Variants in BACH1 observed in about 807,000 individuals in gnomAD.
The protein encoded by BACH1 is transcription regulator protein BACH1.
BACH1 carries 35 observed loss-of-function variants against 52.9 expected under a neutral mutation model. The ratio of observed to expected loss-of-function variants is 0.66; its 90% confidence interval spans 0.51 to 0.88. The LOEUF (loss-of-function observed/expected upper bound fraction) is 0.88. Among genes scored for constraint, BACH1 ranks in the 40% least tolerant of loss-of-function variants. BACH1 has a pLI of 0.00. For missense variants in BACH1, 808 were observed against 872.6 expected (o/e 0.93, Z 0.93); for synonymous variants, 321 against 319.6 (o/e 1.00, Z -0.05).
At chr21:29,337,481 G>T (rs1020001914) in intron 4 of BACH1, among the ~76,000 whole-genome samples, 1 of 152,126 alleles carries the variant, frequency 6.6e-6, no homozygotes, top group Non-Finnish European at 1.5e-5. Context: ...CTTCACTTCT[G>T]TGTTTATGTT....
rs2088731450 is a variant in BACH1 at position 29,312,177 on chromosome 21, C to T, written c.-60-9044C>T. Among the ~76,000 whole-genome samples the T allele has an allele frequency of 2.6e-5, 4 of 152,180 alleles. No homozygotes were observed. In the South Asian group the frequency reaches 6.2e-4, roughly 24 times the overall value. ...GCATTTAGAAAGTGGTGTAGACAAA[C>T]CGTGGAAGAGGCTGAGTTGGGAAAT... On this transcript the variant is annotated intron_variant, in intron 1 of 4. Transcript: ENST00000286800.
intron 2 of BACH1, among the ~76,000 whole-genome samples, chr21:29,325,161 C>T (rs1300594017): frequency 1.3e-5 from 2 of 151,918 alleles, no homozygotes; most frequent in South Asian, 2.1e-4. Context: ...ACCCGAGAGG[C>T]GGAGCTTGCA....
rs114245875 is a variant in BACH1 at position 29,342,373 on chromosome 21, T to C, written c.1777-26T>C. 1.3e-4 allele frequency: 211 copies of C among 1,595,060 alleles called. No homozygotes were observed. The African/African-American group carries it at 2.2e-3, about 17-fold the overall frequency. ...TGATTGAGCTAATAAACACAAGCCA[T>C]TGTGTTCTCTTTCCCCACTTCACAG... On this transcript the variant is annotated intron_variant, in intron 4 of 4. Coordinates refer to ENST00000286800, the MANE Select transcript of BACH1 (RefSeq NM_001186.4).
At chr21:29,339,629 G>GTTT (rs34979217) in intron 4 of BACH1, among the ~76,000 whole-genome samples, 17 of 98,504 alleles carry the variant, frequency 1.7e-4, no homozygotes, top group Non-Finnish European at 1.9e-4. Flanking sequence ...AGATGCAAAG[G>GTTT]TTTTTTTTTT....
chr21:29,329,658 T>A lies in BACH1; in HGVS notation c.1741T>A (p.Cys581Ser). Reference sequence around the variant, plus strand: ...GCGCTGTCGCAAGAGAAAACTTGACTGTATACAGAATCTTGAATCAGAAAT... The same window carrying A: ...GCGCTGTCGCAAGAGAAAACTTGACAGTATACAGAATCTTGAATCAGAAAT... ...AQRCRKRKLD[C>S]IQNLESEIEK... The change falls in exon 4 of 5, where the codon TGT becomes AGT. Residue 581 changes from cysteine to serine, a missense_variant. Physicochemically the swap from Cys to Ser is moderately radical, Grantham distance 112 (BLOSUM62 -1). Coordinates refer to ENST00000286800, the MANE Select transcript of BACH1 (RefSeq NM_001186.4). 1 of 1,573,528 alleles carries A rather than the reference T, an allele frequency of 6.4e-7. No individual in the cohort carries two copies. Among genetic ancestry groups the A allele is most frequent in the African/African-American group, 1.4e-5 (1 of 73,286 alleles).
At chr21:29,357,756 G>C (rs972482261) in intron 2 of BACH1, among the ~76,000 whole-genome samples, 1 of 152,192 alleles carries the variant, frequency 6.6e-6, no homozygotes, top group African/African-American at 2.4e-5. Flanking sequence ...TGCTCTCTCT[G>C]TGATGCATAA....
At position 29,343,763 on chromosome 21, in the gene BACH1, G is replaced by A. The variant is rs1321931114; in HGVS notation, c.*930G>A. ...CCAATGCCAGAAAACCAGACATCAC[G>A]GGGAAAGAATGTTGCTTACTTTTTA... On this transcript the variant is annotated 3_prime_UTR_variant, in exon 5 of 5. Coordinates refer to ENST00000286800, the MANE Select transcript of BACH1 (RefSeq NM_001186.4). The A allele has an allele frequency of 6.6e-6, 1 of 152,128 alleles. No individual in the cohort carries two copies. The highest frequency in any genetic ancestry group is 1.5e-5 in the Non-Finnish European group (1 of 68,024). 9.4% of individuals were successfully genotyped at this position (152,128 alleles called of 1,614,324 possible).
chr21:29,347,821 G>A (rs191480141), downstream of BACH1, among the ~76,000 whole-genome samples: 51 of 152,228 alleles, frequency 3.4e-4, no homozygotes, highest in East Asian at 4.1e-3. Flanking sequence ...CTACCTCATC[G>A]TCCCGTGTAG....
rs112285327 is a variant in BACH1 at position 29,327,486 on chromosome 21, T to C, written c.1569+93T>C. 17 of 1,488,414 alleles carry C rather than the reference T, an allele frequency of 1.1e-5. No individual in the cohort carries two copies. In the African/African-American group the frequency reaches 2.1e-4, roughly 18 times the overall value. 92.2% of individuals were successfully genotyped at this position (1,488,414 alleles called of 1,614,324 possible). A position where few individuals can be genotyped will look rare whatever the true frequency, so the allele number is the denominator to read the frequency against. ...TCCCTTTGCATCATTAGGGATATAATCAGGTTCAGGGAGTGGGGAGGAAAC... is the reference window on the plus strand; with the variant it reads ...TCCCTTTGCATCATTAGGGATATAACCAGGTTCAGGGAGTGGGGAGGAAAC... On this transcript the variant is annotated intron_variant, in intron 3 of 4. Coordinates refer to ENST00000286800, the MANE Select transcript of BACH1 (RefSeq NM_001186.4).
chr21:29,314,599 C>T (rs900957988), intron 1 of BACH1, among the ~76,000 whole-genome samples: 5 of 152,142 alleles, frequency 3.3e-5, no homozygotes, highest in African/African-American at 1.2e-4. Context: ...TCCCTCCCAC[C>T]CCATTTTTAA....
At chr21:29,305,671 G>C (rs891926857) in intron 1 of BACH1, among the ~76,000 whole-genome samples, 2 of 152,182 alleles carry the variant, frequency 1.3e-5, no homozygotes, top group African/African-American at 4.8e-5. Flanking sequence ...GAAAAACTGT[G>C]TTTTTAAGTT....
intron 4 of BACH1, among the ~76,000 whole-genome samples, chr21:29,330,708 A>G (rs1411677574): frequency 6.6e-6 from 1 of 152,184 alleles, no homozygotes; most frequent in Non-Finnish European, 1.5e-5. Context: ...TGAAAGTTTA[A>G]AAGTTGGGAT....
At chr21:29,318,039 T>C (rs1022738726) in intron 1 of BACH1, among the ~76,000 whole-genome samples, 7 of 152,156 alleles carry the variant, frequency 4.6e-5, no homozygotes, top group Non-Finnish European at 7.3e-5. Context: ...GCGTAGGTGA[T>C]GCGCCTATGT....
At chr21:29,305,368 A>G (rs1330016010) in intron 1 of BACH1, 1 of 152,172 alleles carries the variant, frequency 6.6e-6, no homozygotes, top group Admixed American at 6.5e-5. Context: ...TTTGTGGTAA[A>G]AGACTGTCAC....
Position 29,326,388 on chromosome 21 carries a change from G to A in BACH1, c.564G>A (p.Arg188=). The A allele has an allele frequency of 6.2e-7, 1 of 1,614,172 alleles. No individual in the cohort carries two copies. Among genetic ancestry groups the A allele is most frequent in the Middle Eastern group, 1.6e-4 (1 of 6,062 alleles). The change falls in exon 3 of 5, where the codon AGG becomes AGA. Residue 188 remains arginine, a synonymous_variant. Coordinates refer to ENST00000286800, the MANE Select transcript of BACH1 (RefSeq NM_001186.4). The stretch of plus-strand genomic sequence containing the variant: ...AGACTCCTCAGTGTAAACTCCGCAG[G>A]TATCAAGGAAATGCAAAAGCCTCAC... ...NVQTPQCKLR[R]YQGNAKASPP... is the part of the protein sequence containing the mutation.
chr21:29,321,323 G>T lies in BACH1; in HGVS notation c.43G>T (p.Val15Leu). The T allele has an allele frequency of 1.2e-6, 2 of 1,614,186 alleles. No individual in the cohort carries two copies. Among genetic ancestry groups the T allele is most frequent in the South Asian group, 2.2e-5 (2 of 91,088 alleles). Residue 15 changes from valine to leucine, a missense_variant, in exon 2 of 5, where the codon GTG becomes TTG. By Grantham distance (32) the Val-to-Leu change is conservative (BLOSUM62 1). Transcript: ENST00000286800. ...CTCGGTTTTTGCCTATGAATCTTCT[G>T]TGCATAGCACCAATGTTTTACTCAG... is the stretch of plus-strand genomic sequence containing the variant. Reference protein sequence around the residue: ...ENSVFAYESSVHSTNVLLSLN... With the variant: ...ENSVFAYESSLHSTNVLLSLN...
At chr21:29,340,629 TGTTTA>T (rs2089100415) in intron 4 of BACH1, among the ~76,000 whole-genome samples, 1 of 152,250 alleles carries the variant, frequency 6.6e-6, no homozygotes, top group Admixed American at 6.5e-5. Flanking sequence ...TTTCTATTGC[TGTTTA>T]GAATAGATTC....
intron 4 of BACH1, among the ~76,000 whole-genome samples, chr21:29,331,485 T>G (rs1364351205): frequency 6.6e-6 from 1 of 152,250 alleles, no homozygotes; most frequent in Non-Finnish European, 1.5e-5. Flanking sequence ...CTCTATTTCT[T>G]GGCTCAAGGG....
intron 1 of BACH1, among the ~76,000 whole-genome samples, chr21:29,302,067 G>T (rs2088609774): frequency 6.6e-6 from 1 of 152,082 alleles, no homozygotes; most frequent in South Asian, 2.1e-4. Context: ...ATCTCTCCAT[G>T]ACTTACGTTT....
Sources: allele counts gnomAD v4.1 joint callset (sites outside exome capture counted in the v4.1 genomes callset), GRCh38; gene constraint gnomAD v4.1.1; transcripts MANE v1.5; gene names NCBI Gene and HGNC (gene_info 2026-07-23, HGNC 2026-07-21).